The following LRRC8B variants were observed in gnomAD, a reference collection of about 807,000 sequenced individuals.
The protein encoded by LRRC8B is leucine rich repeat containing 8 VRAC subunit B, also known as volume-regulated anion channel subunit LRRC8B.
In LRRC8B, 23 loss-of-function variants were observed where a neutral mutation model predicts 58.8. That is an observed-to-expected ratio of 0.39 (90% confidence interval 0.28 to 0.55). The LOEUF (loss-of-function observed/expected upper bound fraction) is 0.55, where lower values mean the gene tolerates loss of function less well. Ranked by LOEUF, LRRC8B falls within the 20% of genes least tolerant of loss-of-function variation. LRRC8B has a pLI of 0.62. For missense variants in LRRC8B, 694 were observed against 936.0 expected (o/e 0.74, Z 3.37); for synonymous variants, 359 against 374.1 (o/e 0.96, Z 0.47).
intron 1 of LRRC8B, among the ~76,000 whole-genome samples, chr1:89,550,499 C>T (rs115623964): frequency 0.017 from 2,617 of 152,220 alleles, 84 homozygotes; most frequent in African/African-American, 0.059. Context: ...TCAGCTTTCC[C>T]GCTAGGTTCA....
At chr1:89,538,847 A>G (rs1361745342) in intron 1 of LRRC8B, among the ~76,000 whole-genome samples, 1 of 152,058 alleles carries the variant, frequency 6.6e-6, no homozygotes, top group East Asian at 1.9e-4. Context: ...CAGCCTCCCA[A>G]GTAGCTGGGA....
chr1:89,576,450 T>C (rs1653852673), intron 3 of LRRC8B, among the ~76,000 whole-genome samples: 1 of 152,104 alleles, frequency 6.6e-6, no homozygotes, highest in Non-Finnish European at 1.5e-5. Flanking sequence ...AAGGCCTGGG[T>C]TTACGTTTCT....
At chr1:89,566,596 A>G (rs1437220851) in intron 1 of LRRC8B, among the ~76,000 whole-genome samples, 1 of 152,188 alleles carries the variant, frequency 6.6e-6, no homozygotes, top group African/African-American at 2.4e-5. Context: ...GATCTTTCCT[A>G]AGATTTAACT....
intron 1 of LRRC8B, among the ~76,000 whole-genome samples, chr1:89,527,247 CT>C: frequency 6.6e-6 from 1 of 152,254 alleles, no homozygotes; most frequent in Middle Eastern, 3.4e-3. Context: ...GTTTTCTGGA[CT>C]TTTTACTATT....
chr1:89,571,036 T>C (rs1019438124), intron 3 of LRRC8B, among the ~76,000 whole-genome samples: 4 of 152,200 alleles, frequency 2.6e-5, no homozygotes, highest in Non-Finnish European at 5.9e-5. Context: ...TGCAGTCTTA[T>C]TTCTGGGTTC....
chr1:89,545,901 G>A (rs1023231652), intron 1 of LRRC8B, among the ~76,000 whole-genome samples: 3 of 152,184 alleles, frequency 2.0e-5, no homozygotes, highest in African/African-American at 4.8e-5. Context: ...AATGTATGCA[G>A]TACTGAAATC....
chr1:89,564,248 G>A (rs1258328512), intron 1 of LRRC8B, among the ~76,000 whole-genome samples: 1 of 152,188 alleles, frequency 6.6e-6, no homozygotes, highest in Non-Finnish European at 1.5e-5. Flanking sequence ...TAGGCAGCCA[G>A]GGTGGAGGAA....
intron 1 of LRRC8B, among the ~76,000 whole-genome samples, chr1:89,556,054 G>A (rs1652163407): frequency 6.6e-6 from 1 of 152,156 alleles, no homozygotes; most frequent in Admixed American, 6.6e-5. Context: ...ATCTAACCAT[G>A]TGATTCCAGC....
intron 1 of LRRC8B, among the ~76,000 whole-genome samples, chr1:89,530,446 A>G (rs1205651940): frequency 6.6e-6 from 1 of 152,078 alleles, no homozygotes; most frequent in East Asian, 1.9e-4. Context: ...GGAATAATCT[A>G]ATTCTTTTAC....
At chr1:89,532,736 G>A (rs1650232454) in intron 1 of LRRC8B, among the ~76,000 whole-genome samples, 1 of 152,146 alleles carries the variant, frequency 6.6e-6, no homozygotes, top group South Asian at 2.1e-4. Flanking sequence ...ATTAGTGTGA[G>A]AATGGACTAA....
chr1:89,549,994 A>G (rs1651686615), intron 1 of LRRC8B: 1 of 152,132 alleles, frequency 6.6e-6, no homozygotes, highest in African/African-American at 2.4e-5. Flanking sequence ...CAGTGTTTTA[A>G]ATAACACACT....
chr1:89,551,246 C>G (rs964312969), intron 1 of LRRC8B, among the ~76,000 whole-genome samples: 1 of 152,156 alleles, frequency 6.6e-6, no homozygotes, highest in Non-Finnish European at 1.5e-5. Flanking sequence ...GTTCATCTTA[C>G]AAGAGGAAGC....
chr1:89,540,780 G>C (rs868354205), intron 1 of LRRC8B, among the ~76,000 whole-genome samples: 1 of 152,168 alleles, frequency 6.6e-6, no homozygotes, highest in African/African-American at 2.4e-5. Flanking sequence ...ATCATATTGC[G>C]AGACCAAGTA....
chr1:89,561,659 G>T (rs1185322985), intron 1 of LRRC8B, among the ~76,000 whole-genome samples: 2 of 119,394 alleles, frequency 1.7e-5, no homozygotes, highest in African/African-American at 3.3e-5. Context: ...TTTCCCCATT[G>T]CTTGTTTTTC....
chr1:89,526,429 G>A (rs1244578019), intron 1 of LRRC8B, among the ~76,000 whole-genome samples: 1 of 152,136 alleles, frequency 6.6e-6, no homozygotes, highest in Non-Finnish European at 1.5e-5. Context: ...TGGCCAGGCT[G>A]GTCTGAAACT....
intron 1 of LRRC8B, among the ~76,000 whole-genome samples, chr1:89,562,323 C>T (rs903721052): frequency 2.6e-5 from 4 of 152,092 alleles, no homozygotes; most frequent in African/African-American, 9.7e-5. Flanking sequence ...GGATCAAATA[C>T]TTTGCATATC....
intron 3 of LRRC8B, among the ~76,000 whole-genome samples, chr1:89,575,293 C>T (rs899091086): frequency 2.0e-4 from 30 of 152,132 alleles, no homozygotes; most frequent in African/African-American, 7.2e-4. Context: ...TAGCTTCAAG[C>T]CTATGCCTTA....
chr1:89,570,496 T>C (rs1653386203), intron 3 of LRRC8B, among the ~76,000 whole-genome samples: 1 of 152,228 alleles, frequency 6.6e-6, no homozygotes, highest in South Asian at 2.1e-4. Context: ...TTCATATGCT[T>C]CTTGGCCATG....
intron 1 of LRRC8B, among the ~76,000 whole-genome samples, chr1:89,560,288 C>A (rs1049621611): frequency 1.3e-5 from 2 of 152,154 alleles, no homozygotes; most frequent in African/African-American, 4.8e-5. Context: ...TTACTACATT[C>A]CCCTCATCCA....
Sources: gnomAD v4.1 joint callset for allele counts (sites outside exome capture counted in the v4.1 genomes callset) on GRCh38, gnomAD v4.1.1 for gene constraint, MANE v1.5 for transcripts, NCBI Gene and HGNC (gene_info 2026-07-23, HGNC 2026-07-21) for gene names.